The following DLG2 variants were observed in gnomAD, a reference collection of about 807,000 sequenced individuals.
DLG2 encodes discs large MAGUK scaffold protein 2.
DLG2 carries 45 observed loss-of-function variants against 132.5 expected under a neutral mutation model. The ratio of observed to expected loss-of-function variants is 0.34; its 90% CI spans 0.27 to 0.44. DLG2 has a LOEUF of 0.44. Ranked by LOEUF, DLG2 falls within the 20% of genes least tolerant of loss-of-function variation. The pLI is 1.00. For synonymous variants in DLG2, 424 were observed against 419.6 expected (o/e 1.01, Z -0.13); for missense variants, 1,045 against 1,196.9 (o/e 0.87, Z 1.87).
At chr11:85,064,144 T>A (rs1285921456) in intron 6 of DLG2, among the ~76,000 whole-genome samples, 1 of 151,854 alleles carries the variant, frequency 6.6e-6, no homozygotes, top group Non-Finnish European at 1.5e-5. Context: ...GAATACATCA[T>A]AACCAAGAAA....
chr11:85,242,252 T>C (rs565281549), intron 4 of DLG2, among the ~76,000 whole-genome samples: 6 of 152,152 alleles, frequency 3.9e-5, no homozygotes, highest in African/African-American at 1.2e-4. Context: ...TATTGACAAA[T>C]CTGCTATCAT....
intron 4 of DLG2, among the ~76,000 whole-genome samples, chr11:85,239,688 C>A (rs2075780603): frequency 6.6e-6 from 1 of 151,848 alleles, no homozygotes; most frequent in African/African-American, 2.4e-5. Context: ...CCCTTTTTCC[C>A]TCAGTATTAC....
At chr11:84,842,961 T>C (rs911300123) in intron 6 of DLG2, among the ~76,000 whole-genome samples, 17 of 152,146 alleles carry the variant, frequency 1.1e-4, no homozygotes, top group African/African-American at 4.1e-4. Flanking sequence ...GATATATTCC[T>C]ACCAGTTATC....
At chr11:83,774,863 A>ACT (rs1432101430) in intron 18 of DLG2, among the ~76,000 whole-genome samples, 1 of 151,886 alleles carries the variant, frequency 6.6e-6, no homozygotes, top group African/African-American at 2.4e-5. Context: ...CCTGGTGAAG[A>ACT]CTCTCTGGCA....
chr11:85,447,848 A>T (rs566998657), intron 3 of DLG2, among the ~76,000 whole-genome samples: 73 of 152,314 alleles, frequency 4.8e-4, no homozygotes, highest in African/African-American at 1.7e-3. Flanking sequence ...GTACATCAAT[A>T]AATTTGAGAG....
At chr11:84,820,949 G>A (rs1009588296) in intron 6 of DLG2, among the ~76,000 whole-genome samples, 1 of 151,634 alleles carries the variant, frequency 6.6e-6, no homozygotes. Flanking sequence ...TCAGCCTTTT[G>A]GCTAAGATCA....
At chr11:84,070,606 A>G (rs1221319941) in intron 10 of DLG2, among the ~76,000 whole-genome samples, 2 of 152,242 alleles carry the variant, frequency 1.3e-5, no homozygotes, top group Non-Finnish European at 2.9e-5. Context: ...TCATAATTGT[A>G]CATTTTCTCA....
At chr11:85,246,368 G>A (rs922720605) in intron 4 of DLG2, among the ~76,000 whole-genome samples, 6 of 151,800 alleles carry the variant, frequency 4.0e-5, no homozygotes, top group Non-Finnish European at 5.9e-5. Context: ...AGGTCAGTAA[G>A]GTCATTCATT....
At chr11:85,520,165 C>A (rs921521518) in intron 3 of DLG2, among the ~76,000 whole-genome samples, 1 of 152,038 alleles carries the variant, frequency 6.6e-6, no homozygotes, top group Admixed American at 6.6e-5. Context: ...CAGGCATGAG[C>A]CACTCCACCC....
At chr11:84,770,791 G>A (rs925189723) in intron 6 of DLG2, among the ~76,000 whole-genome samples, 45 of 151,558 alleles carry the variant, frequency 3.0e-4, no homozygotes, top group African/African-American at 9.2e-4. Flanking sequence ...GACTACAGGT[G>A]CCAGCTACCA....
At chr11:83,895,268 T>C (rs893865304) in intron 15 of DLG2, among the ~76,000 whole-genome samples, 3 of 150,534 alleles carry the variant, frequency 2.0e-5, no homozygotes, top group African/African-American at 7.3e-5. Flanking sequence ...CAAGTGATTC[T>C]CCTGCCTCAG....
At chr11:83,703,325 G>A (rs959672473) in intron 18 of DLG2, among the ~76,000 whole-genome samples, 3 of 152,174 alleles carry the variant, frequency 2.0e-5, no homozygotes, top group African/African-American at 4.8e-5. Context: ...AATGTTTAAT[G>A]CCAAGCATTA....
At chr11:83,732,194 A>G (rs2091140337) in intron 18 of DLG2, among the ~76,000 whole-genome samples, 1 of 152,202 alleles carries the variant, frequency 6.6e-6, no homozygotes, top group South Asian at 2.1e-4. Flanking sequence ...GAAAGCACGT[A>G]TAGGAAGCTG....
chr11:85,254,871 G>A (rs1043629767), intron 4 of DLG2, among the ~76,000 whole-genome samples: 2 of 151,898 alleles, frequency 1.3e-5, no homozygotes, highest in African/African-American at 4.8e-5. Context: ...CATGGTGGCA[G>A]GCGTGTAGTC....
At chr11:85,236,720 C>T (rs2075606746) in intron 4 of DLG2, among the ~76,000 whole-genome samples, 1 of 151,956 alleles carries the variant, frequency 6.6e-6, no homozygotes, top group South Asian at 2.1e-4. Flanking sequence ...TGCATAGTTA[C>T]TTGCATATAC....
At chr11:85,062,126 A>T (rs2064210666) in intron 6 of DLG2, among the ~76,000 whole-genome samples, 1 of 151,832 alleles carries the variant, frequency 6.6e-6, no homozygotes, top group African/African-American at 2.4e-5. Context: ...GGCCTCTTTC[A>T]TTTTGGTTAT....
At chr11:84,604,297 G>C (rs1433486788) in intron 6 of DLG2, among the ~76,000 whole-genome samples, 2 of 151,850 alleles carry the variant, frequency 1.3e-5, no homozygotes, top group Admixed American at 1.3e-4. Context: ...CAAAACTCAG[G>C]AGATGAGAGA....
rs139831855 is a variant in DLG2, at chr11:84,263,208, T to C, written c.520-11917A>G. On this transcript the variant is annotated intron_variant, in intron 7 of 27. Coordinates refer to ENST00000376104, the MANE Select transcript of DLG2 (RefSeq NM_001142699.3). ...TCTAATTTTACTCTTGCAAAGTTCA[T>C]CCTGCTAGGAAATACTGTAAAGAAA... is the stretch of plus-strand genomic sequence containing the variant. 3.2e-3 allele frequency among the ~76,000 whole-genome samples: 483 copies of C among 152,086 alleles called. 5 individuals carry two copies. Among genetic ancestry groups the C allele is most frequent in the African/African-American group, 0.011 (467 of 41,356 alleles).
At chr11:84,124,002 G>A (rs2094044761) in intron 9 of DLG2, among the ~76,000 whole-genome samples, 2 of 152,176 alleles carry the variant, frequency 1.3e-5, no homozygotes, top group Admixed American at 1.3e-4. Context: ...TCGGTTGAGA[G>A]CTATTTTGCA....
Sources: gnomAD v4.1 joint callset for allele counts (sites outside exome capture counted in the v4.1 genomes callset) on GRCh38, gnomAD v4.1.1 for gene constraint, MANE v1.5 for transcripts, NCBI Gene and HGNC (gene_info 2026-07-23, HGNC 2026-07-21) for gene names.